The following EYA4 variants were observed in gnomAD, a reference collection of about 807,000 sequenced individuals.
EYA4 encodes EYA transcriptional coactivator and phosphatase 4.
A neutral mutation model predicts 87.9 loss-of-function variants in EYA4; 31 were observed. The ratio of observed to expected loss-of-function variants is 0.35; its 90% confidence interval spans 0.27 to 0.48. The LOEUF (loss-of-function observed/expected upper bound fraction) is 0.48, where lower values mean the gene tolerates loss of function less well. EYA4 is among the 20% of genes least tolerant of loss of function. The pLI is 0.99. For missense variants in EYA4, 678 were observed against 761.4 expected, an observed-to-expected ratio of 0.89 and a Z score of 1.29; for synonymous variants, 263 against 270.6, an observed-to-expected ratio of 0.97 and a Z score of 0.28.
At chr6:133,259,906 A>G (rs960765189) in intron 1 of EYA4, among the ~76,000 whole-genome samples, 2 of 152,118 alleles carry the variant, frequency 1.3e-5, no homozygotes, top group Non-Finnish European at 2.9e-5. Context: ...ATTTTCTTTT[A>G]TGGGGATGGG....
chr6:133,256,046 C>A (rs1328280434), intron 1 of EYA4, among the ~76,000 whole-genome samples: 1 of 151,744 alleles, frequency 6.6e-6, no homozygotes, highest in Non-Finnish European at 1.5e-5. Context: ...TCACAAAAAC[C>A]AGGTGCAAAA....
At chr6:133,516,317 C>T (rs1799590633) in intron 17 of EYA4, among the ~76,000 whole-genome samples, 1 of 151,980 alleles carries the variant, frequency 6.6e-6, no homozygotes, top group African/African-American at 2.4e-5. Context: ...ATAAAATAAT[C>T]TGTATAGCAA....
intron 3 of EYA4, among the ~76,000 whole-genome samples, chr6:133,393,601 G>A (rs1787493255): frequency 6.6e-6 from 1 of 152,154 alleles, no homozygotes; most frequent in Non-Finnish European, 1.5e-5. Flanking sequence ...AGGACAGTGT[G>A]GCTAGAATAG....
intron 3 of EYA4, among the ~76,000 whole-genome samples, chr6:133,384,031 A>C (rs1786486488): frequency 6.6e-6 from 1 of 152,222 alleles, no homozygotes; most frequent in South Asian, 2.1e-4. Context: ...TAGGAAAAAC[A>C]GAACAATATA....
chr6:133,374,451 G>A (rs1785513126), intron 2 of EYA4, among the ~76,000 whole-genome samples: 1 of 151,930 alleles, frequency 6.6e-6, no homozygotes, highest in African/African-American at 2.4e-5. Flanking sequence ...TTTGCCTTCA[G>A]GTTTTTGGTG....
In EYA4 at chr6:133,328,714, C is replaced by A. The variant is rs1562294879; in HGVS notation, c.34-53678C>A. Among the ~76,000 whole-genome samples, 4 of 151,580 alleles carry A rather than the reference C, an allele frequency of 2.6e-5. No homozygotes were observed. In the South Asian group the frequency reaches 6.2e-4, roughly 24 times the overall value. ...AGACAAATAGATACAAACAAACAAA[C>A]AAAAAAACCAGACAAATGTATATAT... On this transcript the variant is annotated intron_variant, in intron 2 of 19. Transcript: ENST00000355286.
intron 3 of EYA4, among the ~76,000 whole-genome samples, chr6:133,417,518 A>T (rs924725173): frequency 6.6e-6 from 1 of 152,210 alleles, no homozygotes; most frequent in Non-Finnish European, 1.5e-5. Flanking sequence ...AGATAAACTC[A>T]TAGGACTTGT....
At chr6:133,505,372 T>C (rs1798508068) in intron 13 of EYA4, among the ~76,000 whole-genome samples, 1 of 152,168 alleles carries the variant, frequency 6.6e-6, no homozygotes. Flanking sequence ...AAACAAAAAT[T>C]GAGTCATTTT....
chr6:133,264,703 C>T (rs1207487936), intron 1 of EYA4, among the ~76,000 whole-genome samples: 1 of 152,198 alleles, frequency 6.6e-6, no homozygotes, highest in Non-Finnish European at 1.5e-5. Flanking sequence ...TTTAGCGTTT[C>T]CATGTGCAGC....
intron 11 of EYA4, among the ~76,000 whole-genome samples, 196 bp from the exon 12 acceptor site, chr6:133,481,267 A>G (rs1562470657): frequency 1.3e-5 from 2 of 152,216 alleles, no homozygotes; most frequent in Non-Finnish European, 2.9e-5. Flanking sequence ...AATAGATCAC[A>G]TAGATTACAA....
chr6:133,486,565 A>C (rs1796703610), intron 13 of EYA4, among the ~76,000 whole-genome samples: 1 of 152,246 alleles, frequency 6.6e-6, no homozygotes, highest in Admixed American at 6.5e-5. Context: ...AAAACAAAAA[A>C]AAACACATTT....
chr6:133,407,622 T>A (rs542602048), intron 3 of EYA4, among the ~76,000 whole-genome samples: 1 of 152,238 alleles, frequency 6.6e-6, no homozygotes, highest in African/African-American at 2.4e-5. Flanking sequence ...CTTCAGCAGT[T>A]TTCGTCTTCT....
At chr6:133,338,564 C>A (rs1434380361) in intron 2 of EYA4, among the ~76,000 whole-genome samples, 1 of 152,100 alleles carries the variant, frequency 6.6e-6, no homozygotes, top group Non-Finnish European at 1.5e-5. Context: ...AGTTAGATAT[C>A]ATAATCATTC....
chr6:133,310,052 G>T (rs950374), intron 2 of EYA4, among the ~76,000 whole-genome samples: 1 of 152,016 alleles, frequency 6.6e-6, no homozygotes, highest in Non-Finnish European at 1.5e-5. Flanking sequence ...AGGGAGCCTG[G>T]TATTCACACC....
chr6:133,308,324 CAT>C (rs1307429067), intron 2 of EYA4, among the ~76,000 whole-genome samples: 1 of 152,116 alleles, frequency 6.6e-6, no homozygotes, highest in African/African-American at 2.4e-5. Context: ...ACCCAAATCA[CAT>C]ATGTAATAAA....
At chr6:133,251,725 A>G (rs1261686807) in intron 1 of EYA4, among the ~76,000 whole-genome samples, 2 of 152,162 alleles carry the variant, frequency 1.3e-5, no homozygotes, top group African/African-American at 4.8e-5. Flanking sequence ...CTCCCCTGGT[A>G]ATGATGGTGT....
intron 16 of EYA4, among the ~76,000 whole-genome samples, chr6:133,514,784 A>G (rs564083732): frequency 6.6e-6 from 1 of 152,348 alleles, no homozygotes; most frequent in African/African-American, 2.4e-5. Flanking sequence ...AATTTTTTAC[A>G]TAGCAAAGTA....
chr6:133,523,650 C>T (rs908896766), intron 18 of EYA4, among the ~76,000 whole-genome samples: 13 of 152,038 alleles, frequency 8.6e-5, no homozygotes, highest in African/African-American at 2.4e-4. Context: ...AACACATGAG[C>T]GACTGGAAAT....
intron 3 of EYA4, among the ~76,000 whole-genome samples, chr6:133,393,568 A>G (rs1327971768): frequency 2.0e-5 from 3 of 152,198 alleles, no homozygotes; most frequent in Non-Finnish European, 4.4e-5. Context: ...CCTGCGTGGC[A>G]TGTTCAGGTG....
Sources: gnomAD v4.1 joint callset for allele counts (sites outside exome capture counted in the v4.1 genomes callset) on GRCh38, gnomAD v4.1.1 for gene constraint, MANE v1.5 for transcripts, NCBI Gene and HGNC (gene_info 2026-07-23, HGNC 2026-07-21) for gene names.